The following CADM2 variants were observed in gnomAD, a reference collection of about 807,000 sequenced individuals.
CADM2 encodes immunoglobulin superfamily member 4D.
A neutral mutation model predicts 49.8 loss-of-function variants in CADM2; 12 were observed. The ratio of observed to expected loss-of-function variants is 0.24; its 90% confidence interval spans 0.15 to 0.39. CADM2 has a LOEUF of 0.39. CADM2 is among the 10% of genes least tolerant of loss of function. The pLI is 1.00. For missense variants in CADM2, 378 were observed against 492.3 expected (o/e 0.77, Z 2.20); for synonymous variants, 214 against 175.4 (o/e 1.22, Z -1.74).
intron 1 of CADM2, among the ~76,000 whole-genome samples, chr3:85,324,678 T>A (rs907652316): frequency 2.0e-5 from 3 of 152,234 alleles, no homozygotes; most frequent in Non-Finnish European, 2.9e-5. Context: ...CATTATTCTA[T>A]CCAGAAAGAG....
At chr3:85,815,407 C>T (rs555493272) in intron 3 of CADM2, among the ~76,000 whole-genome samples, 59 of 152,164 alleles carry the variant, frequency 3.9e-4, no homozygotes, top group African/African-American at 1.3e-3. Context: ...ATGATCAAGT[C>T]GGCTTCATAC....
At chr3:85,918,954 A>C (rs1049575888) in intron 6 of CADM2, among the ~76,000 whole-genome samples, 1 of 152,088 alleles carries the variant, frequency 6.6e-6, no homozygotes. Context: ...ACAGAAAAGA[A>C]GAAAATGACT....
chr3:85,529,543 A>G (rs1456341723), intron 1 of CADM2, among the ~76,000 whole-genome samples: 3 of 152,160 alleles, frequency 2.0e-5, no homozygotes, highest in Non-Finnish European at 2.9e-5. Flanking sequence ...TATACTTAAA[A>G]CCATAAGTTT....
chr3:85,765,833 C>G (rs1218441439), intron 2 of CADM2, among the ~76,000 whole-genome samples: 1 of 151,918 alleles, frequency 6.6e-6, no homozygotes, highest in Non-Finnish European at 1.5e-5. Context: ...AAAGCCCTAT[C>G]TATGTTTTTG....
At position 85,605,898 on chromosome 3, in the gene CADM2, T is replaced by C. The variant is rs146384252; in HGVS notation, c.62-120624T>C. Among the ~76,000 whole-genome samples, 8 of 152,190 alleles carry C rather than the reference T, an allele frequency of 5.3e-5. No individual in the cohort carries two copies. The South Asian group carries it at 1.4e-3, about 28-fold the overall frequency. The stretch of plus-strand genomic sequence containing the variant: ...TTTCCTGAATAAAGAACCTCAAATA[T>C]AAAATCTCATGGCCACAGTATGAGT... On this transcript the variant is annotated intron_variant, in intron 1 of 9. Transcript: ENST00000383699.
intron 2 of CADM2, among the ~76,000 whole-genome samples, chr3:85,757,061 C>T (rs775737956): frequency 1.3e-4 from 20 of 151,982 alleles, no homozygotes; most frequent in Non-Finnish European, 2.8e-4. Flanking sequence ...TGAATATTGG[C>T]TGTTTATGGC....
At chr3:85,498,441 G>A (rs2039991142) in intron 1 of CADM2, among the ~76,000 whole-genome samples, 1 of 152,132 alleles carries the variant, frequency 6.6e-6, no homozygotes, top group Non-Finnish European at 1.5e-5. Flanking sequence ...ACTCTGGAAA[G>A]TACCAAAGTA....
At chr3:85,359,666 A>ATATATATTTTTTTT in intron 1 of CADM2, among the ~76,000 whole-genome samples, 15 of 26,550 alleles carry the variant, frequency 5.6e-4, no homozygotes, top group East Asian at 2.7e-3. Context: ...ATATATATAT[A>ATATATATTTTTTTT]TTTTTTTTTT....
At position 85,929,999 on chromosome 3, in the gene CADM2, A is replaced by C. The variant is rs551730934; in HGVS notation, c.701-5768A>C. On this transcript the variant is annotated intron_variant, in intron 6 of 9. Coordinates refer to ENST00000383699, the MANE Select transcript of CADM2 (RefSeq NM_001167675.2). ...GAGTCAAGTTTAAGATAATAACCTC[A>C]TTACTGTAGTACTTGTGGTTAATAA... 5.9e-5 allele frequency among the ~76,000 whole-genome samples: 9 copies of C among 152,128 alleles called. 1 individual carries two copies. The highest frequency in any genetic ancestry group is 2.2e-4 in the African/African-American group (9 of 41,572).
intron 2 of CADM2, among the ~76,000 whole-genome samples, chr3:85,791,346 T>A (rs2071310682): frequency 6.6e-6 from 1 of 152,174 alleles, no homozygotes; most frequent in Non-Finnish European, 1.5e-5. Context: ...GTTATTTGTT[T>A]AGAATGCCTT....
At chr3:85,986,780 G>A (rs564233872) in intron 8 of CADM2, among the ~76,000 whole-genome samples, 157 of 152,170 alleles carry the variant, frequency 1.0e-3, no homozygotes, top group Non-Finnish European at 1.9e-3. Flanking sequence ...CACCATATAT[G>A]TTCTATAGGT....
chr3:85,532,190 ATAAT>A (rs1446384128), intron 1 of CADM2, among the ~76,000 whole-genome samples: 21 of 104,472 alleles, frequency 2.0e-4, no homozygotes, highest in Admixed American at 1.9e-3. Flanking sequence ...AATAATAATA[ATAAT>A]AAAAAAATAA....
At chr3:85,272,159 A>C (rs548869640) in intron 1 of CADM2, among the ~76,000 whole-genome samples, 1 of 151,260 alleles carries the variant, frequency 6.6e-6, no homozygotes, top group African/African-American at 2.4e-5. Context: ...AAGGCATGGA[A>C]ATGACAGAGT....
intron 2 of CADM2, among the ~76,000 whole-genome samples, chr3:85,758,034 C>T (rs1178708835): frequency 1.3e-5 from 2 of 151,892 alleles, no homozygotes; most frequent in Non-Finnish European, 2.9e-5. Flanking sequence ...TTAATTACTC[C>T]GGATATATTA....
At chr3:85,805,876 T>C (rs996255901) in intron 3 of CADM2, among the ~76,000 whole-genome samples, 9 of 152,228 alleles carry the variant, frequency 5.9e-5, no homozygotes, top group African/African-American at 2.2e-4. Context: ...TGCAGGTGGC[T>C]GCTACTGTTA....
chr3:85,499,218 AAAT>A (rs1357138864), intron 1 of CADM2, among the ~76,000 whole-genome samples: 2 of 152,136 alleles, frequency 1.3e-5, no homozygotes, highest in Non-Finnish European at 2.9e-5. Context: ...ACAGAGTCAA[AAAT>A]AATAACAATT....
chr3:85,329,400 C>G (rs893293304), intron 1 of CADM2, among the ~76,000 whole-genome samples: 2 of 150,948 alleles, frequency 1.3e-5, no homozygotes, highest in Non-Finnish European at 3.0e-5. Flanking sequence ...CAGACACACA[C>G]ACACACACAC....
chr3:86,028,938 G>T (rs1032647179), intron 8 of CADM2, among the ~76,000 whole-genome samples: 4 of 152,096 alleles, frequency 2.6e-5, no homozygotes, highest in African/African-American at 9.7e-5. Flanking sequence ...ACATTAAAAA[G>T]GGATTAATAA....
rs374072117 is a variant in CADM2 at position 85,385,356 on chromosome 3, G to A, written c.62-341166G>A. ...TATATGTTGTTTGGGAGGAGAGTGAGCAGGGAGGGAAAATGTATAGATTAA... is the reference window on the plus strand; with the variant it reads ...TATATGTTGTTTGGGAGGAGAGTGAACAGGGAGGGAAAATGTATAGATTAA... On this transcript the variant is annotated intron_variant, in intron 1 of 9. Coordinates refer to ENST00000383699, the MANE Select transcript of CADM2 (RefSeq NM_001167675.2). Among the ~76,000 whole-genome samples the A allele has an allele frequency of 3.3e-5, 5 of 152,342 alleles. No individual in the cohort carries two copies. The East Asian group carries it at 5.8e-4, about 18-fold the overall frequency.
Sources: allele counts gnomAD v4.1 joint callset (sites outside exome capture counted in the v4.1 genomes callset), GRCh38; gene constraint gnomAD v4.1.1; transcripts MANE v1.5; gene names NCBI Gene and HGNC (gene_info 2026-07-23, HGNC 2026-07-21).